The following TEP1 variants were observed in gnomAD, a reference collection of about 807,000 sequenced individuals.
TEP1 encodes the protein telomerase associated protein 1.
Under a neutral mutation model 306.3 loss-of-function variants are expected in TEP1, and 241 were observed. The ratio of observed to expected loss-of-function variants is 0.79; its 90% confidence interval spans 0.71 to 0.88. The LOEUF (loss-of-function observed/expected upper bound fraction) is 0.88, where lower values mean the gene tolerates loss of function less well. TEP1 is among the 40% of genes least tolerant of loss of function. TEP1 has a pLI of 0.00. For missense variants in TEP1, 3,051 were observed against 3,276.1 expected (o/e 0.93, Z 1.68); for synonymous variants, 1,289 against 1,305.5 (o/e 0.99, Z 0.27).
chr14:20,406,974 G>A (rs910083186), intron 2 of TEP1, among the ~76,000 whole-genome samples: 8 of 152,232 alleles, frequency 5.3e-5, no homozygotes, highest in African/African-American at 1.9e-4. Flanking sequence ...TTTTAAAGGC[G>A]AGGAAATTAA....
chr14:20,396,791 C>T lies in TEP1; in HGVS notation c.1550-61G>A, dbSNP rs915716175. ...TGAGAAGGCCAGGCACAGTGGCATG[C>T]ACCTATAATCTCAGCTACCAAGGAG... On this transcript the variant is annotated intron_variant, in intron 9 of 54. Coordinates refer to ENST00000262715, the MANE Select transcript of TEP1 (RefSeq NM_007110.5). 26 of 1,192,594 alleles carry T rather than the reference C, an allele frequency of 2.2e-5. No individual in the cohort carries two copies. The African/African-American group carries it at 3.6e-4, about 17-fold the overall frequency. 73.9% of individuals were successfully genotyped at this position (1,192,594 alleles called of 1,614,324 possible). A position where few individuals can be genotyped will look rare whatever the true frequency, so the allele number is the denominator to read the frequency against.
In TEP1 at chr14:20,380,424, A is replaced by C; in HGVS notation, c.4814T>G (p.Val1605Gly). ...CTGCTGCCTCAGGAAGGTGCGAAAC[A>C]CTGCAACGTCAGCCTCGGGGAGCTT... is the stretch of plus-strand genomic sequence containing the variant. The part of the protein sequence containing the change: ...EQKLPEADVA[V>G]FRTFLRQQAS... The change falls in exon 34 of 55, where the codon GTG (valine) becomes GGG (glycine). Residue 1605 changes from valine to glycine, a missense_variant. Coordinates refer to ENST00000262715, the MANE Select transcript of TEP1 (RefSeq NM_007110.5). 1 of 1,614,168 alleles carries C rather than the reference A, an allele frequency of 6.2e-7. No homozygotes were observed. Among genetic ancestry groups the C allele is most frequent in the South Asian group, 1.1e-5 (1 of 91,082 alleles).
intron 33 of TEP1, 27 bp from the exon 34 acceptor site, chr14:20,380,502 G>A: frequency 8.1e-6 from 13 of 1,595,646 alleles, no homozygotes; most frequent in Non-Finnish European, 1.1e-5. Flanking sequence ...GAATGTCACT[G>A]GGGAGCCAGC....
Position 20,369,716 on chromosome 14 carries a change from T to C in TEP1, c.7381A>G (p.Ser2461Gly). Residue 2461 changes from serine to glycine, a missense_variant, in exon 52 of 55, where the codon AGT (serine) becomes GGT (glycine). This residue lies in a region of TEP1 where 1,540 missense variants were observed against 1,705.9 expected (regional missense o/e 0.90). Transcript: ENST00000262715. ...TGAGTTATCGATATTAGGGTCCTACTAGGATTCTCTAAGTTTATATCAAAG... is the reference window on the plus strand; with the variant it reads ...TGAGTTATCGATATTAGGGTCCTACCAGGATTCTCTAAGTTTATATCAAAG... ...LNFDINLENP[S>G]RTLISITQAK... 6.2e-7 allele frequency: 1 copy of C among 1,614,186 alleles called. No individual in the cohort carries two copies. Among genetic ancestry groups the C allele is most frequent in the Non-Finnish European group, 8.5e-7 (1 of 1,180,030 alleles).
chr14:20,374,409 G>A lies in TEP1; in HGVS notation c.6471+20C>T. On this transcript the variant is annotated intron_variant, in intron 44 of 54. Transcript: ENST00000262715. ...AGCCCTTCCAGAGACCCCCCAGTGGGATCTCCATTGCTTTCTCACCACAGC... is the reference window on the plus strand; with the variant it reads ...AGCCCTTCCAGAGACCCCCCAGTGGAATCTCCATTGCTTTCTCACCACAGC... 3.1e-6 allele frequency: 5 copies of A among 1,592,940 alleles called. No homozygotes were observed. Among genetic ancestry groups the A allele is most frequent in the Non-Finnish European group, 4.3e-6 (5 of 1,164,788 alleles).
chr14:20,394,867 G>A (rs1484839471), intron 12 of TEP1, among the ~76,000 whole-genome samples: 1 of 152,186 alleles, frequency 6.6e-6, no homozygotes, highest in Non-Finnish European at 1.5e-5. Flanking sequence ...CCTCTAGAAA[G>A]TTAAGTGAGT....
At position 20,385,089 on chromosome 14, in the gene TEP1, C is replaced by T; in HGVS notation, c.3003G>A (p.Gly1001=). 1 of 1,614,044 alleles carries T rather than the reference C, an allele frequency of 6.2e-7. No individual in the cohort carries two copies. Among genetic ancestry groups the T allele is most frequent in the Non-Finnish European group, 8.5e-7 (1 of 1,179,970 alleles). ...HFHWAQQYPS[G]RSVTEMEVMQ... The stretch of plus-strand genomic sequence containing the variant: ...TCACCTCCATCTCTGTCACAGAGCG[C>T]CCTGAAGGGTACTGCTGGGCCTGCG... Residue 1001 remains glycine (G), a synonymous_variant, in exon 21 of 55, where the codon GGG becomes GGA. Coordinates refer to ENST00000262715, the MANE Select transcript of TEP1 (RefSeq NM_007110.5).
At position 20,381,654 on chromosome 14, in the gene TEP1, C is replaced by T; in HGVS notation, c.4457G>A (p.Gly1486Asp). The T allele has an allele frequency of 6.2e-7, 1 of 1,612,340 alleles. No individual in the cohort carries two copies. The highest frequency in any genetic ancestry group is 8.5e-7 in the Non-Finnish European group (1 of 1,179,284). ...LLGEGPLERPGARLCLPDGPL... is the reference protein window; with the variant it reads ...LLGEGPLERPDARLCLPDGPL... ...CCCATCAGGGAGGCACAGCCGGGCA[C>T]CAGGGCGCTCCAGAGGGCCCTCCCC... Residue 1486 changes from glycine (G) to aspartate (D), a missense_variant, in exon 31 of 55, where the codon GGT becomes GAT. Gly to Asp is a moderately conservative substitution (Grantham distance 94, BLOSUM62 -1). Around this residue, in one of 3 missense-constraint regions of TEP1, gnomAD observed 1,540 missense variants for 1,705.9 expected, o/e 0.90. Coordinates refer to ENST00000262715, the MANE Select transcript of TEP1 (RefSeq NM_007110.5). The surrounding 1 kb of genome is among the most constrained non-coding windows in gnomAD (Gnocchi z 4.0).
chr14:20,370,758 G>A (rs1036509238), intron 51 of TEP1, among the ~76,000 whole-genome samples: 1 of 152,218 alleles, frequency 6.6e-6, no homozygotes, highest in Non-Finnish European at 1.5e-5. Context: ...TGGGTAGCAG[G>A]TCAGGATTTA....
intron 28 of TEP1, 79 bp downstream of exon 28, chr14:20,382,543 CG>C (rs1350324879): frequency 6.4e-7 from 1 of 1,570,570 alleles, no homozygotes; most frequent in African/African-American, 1.4e-5. Context: ...CAGCAAAGGA[CG>C]TGGGATAGGG....
chr14:20,371,867 C>G (rs75634627), intron 49 of TEP1, among the ~76,000 whole-genome samples: 3 of 152,178 alleles, frequency 2.0e-5, no homozygotes, highest in Admixed American at 2.0e-4. Context: ...CCTTCCCTCT[C>G]TACCTCCAAC....
chr14:20,382,133 C>T, intron 29 of TEP1, 70 bp from the exon 30 acceptor site: 7 of 1,611,438 alleles, frequency 4.3e-6, no homozygotes, highest in Non-Finnish European at 5.9e-6. Context: ...CACCCAGTCT[C>T]TCCTTGAACT....
chr14:20,368,822 T>C lies in TEP1; in HGVS notation c.7737A>G (p.Leu2579=). ...VTASKDRDVK[L]WERPSMQLLG... ...CCAGCTGCATACTGGGTCTCTCCCA[T>C]AGCTTAACATCTCTGTCCTTCGAAG... The change falls in exon 54 of 55, where the codon CTA becomes CTG. Residue 2579 remains leucine, a synonymous_variant. Transcript: ENST00000262715. The C allele has an allele frequency of 6.2e-7, 1 of 1,612,652 alleles. No homozygotes were observed. The highest frequency in any genetic ancestry group is 8.5e-7 in the Non-Finnish European group (1 of 1,179,556).
Position 20,368,044 on chromosome 14 carries a change from T to C in TEP1, c.*393A>G, listed in dbSNP as rs1884579297. 2 of 172,146 alleles carry C rather than the reference T, an allele frequency of 1.2e-5. No individual in the cohort carries two copies. The highest frequency in any genetic ancestry group is 1.3e-5 in the Non-Finnish European group (1 of 79,054). The allele number at this position is 172,146 out of a possible 1,614,324, so 10.7% of individuals were successfully genotyped here. On this transcript the variant is annotated 3_prime_UTR_variant, in exon 55 of 55. Transcript: ENST00000262715. The stretch of plus-strand genomic sequence containing the variant: ...AACTGAAAGGTCTTCCATGCTCTGT[T>C]CAAATTGAATGTTGGCCAACATCAC...
At chr14:20,396,928 G>C (rs995889284) in intron 9 of TEP1, among the ~76,000 whole-genome samples, 198 bp from the exon 10 acceptor site, 5 of 151,650 alleles carry the variant, frequency 3.3e-5, no homozygotes, top group Non-Finnish European at 5.9e-5. Flanking sequence ...ATTAGAGAGA[G>C]GTCAGAGACC....
Position 20,408,471 on chromosome 14 carries a change from G to T in TEP1, c.-24-8C>A. ...AACTCAGCTTGTATATGCCTAGAAG[G>T]AGAGAAAGACAGGAGATGAGCACCT... On this transcript the variant is annotated splice_region_variant and splice_polypyrimidine_tract_variant and intron_variant, in intron 1 of 54. Transcript: ENST00000262715. 6.3e-7 allele frequency: 1 copy of T among 1,591,600 alleles called. No homozygotes were observed.
intron 27 of TEP1, 69 bp downstream of exon 27, chr14:20,383,105 C>A: frequency 6.7e-7 from 1 of 1,501,232 alleles, no homozygotes; most frequent in South Asian, 1.3e-5. Context: ...CTAGCGGCCT[C>A]GGCACCCCAG....
chr14:20,403,282 G>A, intron 7 of TEP1, 95 bp downstream of exon 7: 4 of 1,465,752 alleles, frequency 2.7e-6, no homozygotes, highest in Non-Finnish European at 3.7e-6. Flanking sequence ...TCCCCAGGAA[G>A]AAAGTATTTT....
chr14:20,399,186 C>T (rs1434318952), intron 9 of TEP1, among the ~76,000 whole-genome samples: 1 of 152,214 alleles, frequency 6.6e-6, no homozygotes, highest in African/African-American at 2.4e-5. Flanking sequence ...AGCCATGGTG[C>T]CTGGCCTCCA....
Sources: allele counts gnomAD v4.1 joint callset (sites outside exome capture counted in the v4.1 genomes callset), GRCh38; gene constraint gnomAD v4.1.1; regional missense constraint gnomAD v4.1.1; non-coding constraint Gnocchi (gnomAD v3.1); transcripts MANE v1.5; gene names NCBI Gene and HGNC (gene_info 2026-07-23, HGNC 2026-07-21).